LINGO2: variants seen among roughly 807,000 people sequenced by gnomAD.
The protein encoded by LINGO2 is leucine rich repeat and Ig domain containing 2, also known as leucine-rich repeat and immunoglobulin-like domain-containing nogo receptor-interacting protein 2.
LINGO2 carries 14 observed loss-of-function variants against 30.6 expected under a neutral mutation model. The observed-to-expected ratio is 0.46, with a 90% CI of 0.30 to 0.72. LINGO2 has a LOEUF of 0.72. LINGO2 is among the 30% of genes least tolerant of loss of function. LINGO2 has a pLI of 0.07. For missense variants in LINGO2, 729 were observed against 751.7 expected (o/e 0.97, Z 0.35); for synonymous variants, 317 against 288.5 (o/e 1.10, Z -1.00).
the LINGO2 span, among the ~76,000 whole-genome samples, chr9:28,776,649 G>A: frequency 6.6e-6 from 1 of 152,062 alleles, no homozygotes; most frequent in Non-Finnish European, 1.5e-5. Flanking sequence ...ATGCATACCA[G>A]GTACCATGTT....
intron 1 of LINGO2, among the ~76,000 whole-genome samples, chr9:28,574,115 C>T (rs1240254299): frequency 6.6e-6 from 1 of 152,154 alleles, no homozygotes; most frequent in Non-Finnish European, 1.5e-5. Context: ...GTAACTTTCA[C>T]TACAGACTTC....
At chr9:28,966,499 G>C in the LINGO2 span, among the ~76,000 whole-genome samples, 2 of 151,956 alleles carry the variant, frequency 1.3e-5, no homozygotes, top group Non-Finnish European at 2.9e-5. Flanking sequence ...CAAACGAATA[G>C]CCATCATGCG....
intron 5 of LINGO2, among the ~76,000 whole-genome samples, chr9:28,004,036 T>C (rs1822126054): frequency 6.6e-6 from 1 of 152,192 alleles, no homozygotes; most frequent in Admixed American, 6.5e-5. Flanking sequence ...AAAGGTGACA[T>C]GCTTTCTTTT....
the LINGO2 span, among the ~76,000 whole-genome samples, chr9:28,822,089 C>CT: frequency 6.6e-6 from 1 of 152,122 alleles, no homozygotes; most frequent in Non-Finnish European, 1.5e-5. Flanking sequence ...TGGCCGAACT[C>CT]TTTATTTTCT....
At chr9:28,003,372 TAGATAG>T (rs1822073216) in intron 5 of LINGO2, among the ~76,000 whole-genome samples, 3 of 140,914 alleles carry the variant, frequency 2.1e-5, no homozygotes, top group Admixed American at 7.2e-5. Flanking sequence ...GATAGATAGA[TAGATAG>T]ATAGATATAG....
the LINGO2 span, among the ~76,000 whole-genome samples, chr9:29,014,294 T>C: frequency 6.6e-6 from 1 of 152,178 alleles, no homozygotes; most frequent in Non-Finnish European, 1.5e-5. Context: ...TTGAAATTTC[T>C]TGTCCCAAAG....
the LINGO2 span, among the ~76,000 whole-genome samples, chr9:29,037,224 G>A: frequency 6.6e-6 from 1 of 151,952 alleles, no homozygotes; most frequent in Admixed American, 6.6e-5. Flanking sequence ...AAGACTTAAT[G>A]ATGAGACTCC....
At chr9:28,479,893 ATG>A (rs1825873403) in intron 1 of LINGO2, among the ~76,000 whole-genome samples, 3 of 84,110 alleles carry the variant, frequency 3.6e-5, no homozygotes, top group African/African-American at 1.3e-4. Flanking sequence ...GTATGTGTGT[ATG>A]TGTATATATA....
At chr9:28,842,054 T>G in the LINGO2 span, among the ~76,000 whole-genome samples, 1 of 151,818 alleles carries the variant, frequency 6.6e-6, no homozygotes, top group Non-Finnish European at 1.5e-5. Flanking sequence ...ACTCCCTATG[T>G]GGACATATGA....
chr9:27,976,200 CTAAG>C (rs1404042421), intron 5 of LINGO2, among the ~76,000 whole-genome samples: 2 of 152,138 alleles, frequency 1.3e-5, no homozygotes, highest in African/African-American at 2.4e-5. Context: ...CTGCCACTTA[CTAAG>C]TACCACATGA....
At chr9:28,301,514 T>G (rs994568444) in intron 3 of LINGO2, among the ~76,000 whole-genome samples, 4 of 152,190 alleles carry the variant, frequency 2.6e-5, no homozygotes, top group Non-Finnish European at 5.9e-5. Flanking sequence ...TGAATCACCA[T>G]GTCTAGAGTG....
At chr9:29,194,176 C>T in the LINGO2 span, among the ~76,000 whole-genome samples, 3 of 152,292 alleles carry the variant, frequency 2.0e-5, no homozygotes, top group East Asian at 3.9e-4. Flanking sequence ...TTTTTACATA[C>T]AGTAGGTGCT....
At chr9:28,342,018 C>T (rs1825783049) in intron 3 of LINGO2, among the ~76,000 whole-genome samples, 2 of 151,938 alleles carry the variant, frequency 1.3e-5, no homozygotes, top group Admixed American at 6.6e-5. Context: ...ATTCCAAATA[C>T]CAAAAAAAGG....
chr9:28,729,320 C>A, the LINGO2 span, among the ~76,000 whole-genome samples: 5 of 152,056 alleles, frequency 3.3e-5, no homozygotes, highest in Non-Finnish European at 7.4e-5. Flanking sequence ...GTACTCAGAA[C>A]CTAAGTTTTT....
At chr9:28,225,129 G>A in intron 4 of LINGO2, among the ~76,000 whole-genome samples, 1 of 152,240 alleles carries the variant, frequency 6.6e-6, no homozygotes, top group South Asian at 2.1e-4. Context: ...AATAGATTAA[G>A]GATGTGAAGT....
At chr9:28,062,521 T>C (rs35908055) in intron 4 of LINGO2, among the ~76,000 whole-genome samples, 1 of 142,444 alleles carries the variant, frequency 7.0e-6, no homozygotes, top group Non-Finnish European at 1.5e-5. Flanking sequence ...TACTATATTG[T>C]ATATACATAT....
chr9:28,171,845 GA>G (rs568859084), intron 4 of LINGO2, among the ~76,000 whole-genome samples: 25 of 133,498 alleles, frequency 1.9e-4, no homozygotes, highest in Non-Finnish European at 3.1e-4. Flanking sequence ...CGTCTCTACT[GA>G]AAAAAAAAAC....
the LINGO2 span, among the ~76,000 whole-genome samples, chr9:28,901,502 A>C: frequency 6.6e-6 from 1 of 152,188 alleles, no homozygotes; most frequent in Admixed American, 6.5e-5. Context: ...TAATAGGCGC[A>C]ATTATTTGTT....
intron 2 of LINGO2, among the ~76,000 whole-genome samples, chr9:28,401,573 G>C (rs968963465): frequency 6.6e-6 from 1 of 152,018 alleles, no homozygotes; most frequent in Non-Finnish European, 1.5e-5. Context: ...CTTTGCTATT[G>C]TAAATAGTGC....
Sources: allele counts gnomAD v4.1 joint callset (sites outside exome capture counted in the v4.1 genomes callset), GRCh38; gene constraint gnomAD v4.1.1; transcripts MANE v1.5; gene names NCBI Gene and HGNC (gene_info 2026-07-23, HGNC 2026-07-21).